Variants in SLC25A41 observed in about 807,000 individuals in gnomAD.
SLC25A41 encodes the protein mitochondrial carrier protein SCaMC-3L.
SLC25A41 carries 35 observed loss-of-function variants against 34.7 expected under a neutral mutation model. That is an observed-to-expected ratio of 1.01 (90% CI 0.77 to 1.34). The LOEUF (loss-of-function observed/expected upper bound fraction) is 1.34. Ranked by LOEUF, SLC25A41 falls within the 40% of genes most tolerant of loss-of-function variation. The pLI, the probability that SLC25A41 is intolerant of heterozygous loss-of-function variation, is 0.00. For missense variants in SLC25A41, 492 were observed against 489.8 expected (o/e 1.00, Z -0.04); for synonymous variants, 190 against 209.9 (o/e 0.91, Z 0.82).
At position 6,429,035 on chromosome 19, in the gene SLC25A41, ATATAATATATATATTATATATATGT is replaced by A. The variant is rs1427810334; in HGVS notation, c.624+664_624+688del. 2.6e-3 allele frequency among the ~76,000 whole-genome samples: 110 copies of A among 42,356 alleles called. 22 individuals carry two copies. Among genetic ancestry groups the A allele is most frequent in the African/African-American group, 0.021 (109 of 5,084 alleles). 27.8% of individuals were successfully genotyped at this position (42,356 alleles called of 152,430 possible). ...CTGGCCTGAAAATTTATATATATATATATAATATATATATTATATATATGTTATATATATATATAATATATATATT... is the reference window on the plus strand; with the variant it reads ...CTGGCCTGAAAATTTATATATATATATATATATATATATAATATATATATT... On this transcript the variant is annotated intron_variant, in intron 4 of 6. Coordinates refer to ENST00000321510, the MANE Select transcript of SLC25A41 (RefSeq NM_173637.4).
At chr19:6,429,175 A>AT (rs1491571543) in intron 4 of SLC25A41, among the ~76,000 whole-genome samples, 2 of 55,856 alleles carry the variant, frequency 3.6e-5, no homozygotes, top group African/African-American at 1.9e-4. Context: ...ATATATATAT[A>AT]ATATATATAT....
In SLC25A41 at chr19:6,427,364, G is replaced by C. The variant is rs768165761; in HGVS notation, c.762C>G (p.Pro254=). The C allele has an allele frequency of 1.9e-6, 3 of 1,610,902 alleles. No homozygotes were observed. In the African/African-American group the frequency reaches 4.0e-5, roughly 21 times the overall value. ...AGACAGCCAGGTCGGTGCAGGCATA[G>C]GGGATGATGCCGAGCATATTGGGCA... The part of the protein sequence containing the change: ...GYLPNMLGII[P]YACTDLAVYE... Residue 254 remains proline, a synonymous_variant, in exon 5 of 7, where the codon CCC becomes CCG. Transcript: ENST00000321510. This position sits in a 1 kb window ranked among gnomAD's most constrained non-coding sequence, Gnocchi z 4.9.
At position 6,427,257 on chromosome 19, in the gene SLC25A41, G is replaced by A. The variant is rs367786763; in HGVS notation, c.793-7C>T. The A allele has an allele frequency of 1.1e-4, 172 of 1,612,296 alleles. No individual in the cohort carries two copies. The highest frequency in any genetic ancestry group is 1.4e-4 in the Non-Finnish European group (165 of 1,179,586). ...CCCAGAAGCACTGGAGCATCTGCAA[G>A]AGAAGGGGGCCAGGAGAAAGCTCAC... On this transcript the variant is annotated splice_region_variant and splice_polypyrimidine_tract_variant and intron_variant, in intron 5 of 6. Coordinates refer to ENST00000321510, the MANE Select transcript of SLC25A41 (RefSeq NM_173637.4). This position sits in a 1 kb window ranked among gnomAD's most constrained non-coding sequence, Gnocchi z 4.9.
rs1568351624 is a variant in SLC25A41 at position 6,432,101 on chromosome 19, GC to G, written c.310del (p.Ala104ArgfsTer107). The G allele has an allele frequency of 3.7e-6, 6 of 1,613,718 alleles. 1 individual carries two copies. The highest frequency in any genetic ancestry group is 1.7e-5 in the Admixed American group (1 of 59,958). ...KFLLSGAMAG[A>X]VSRTGTAPLD... ...AGGTGCCGTGCCCGTGCGAGACACC[GC>G]CCCGGCCATAGCTCCTGAGAGTAGA... On this transcript the variant is annotated frameshift_variant, in exon 2 of 7. Transcript: ENST00000321510. LOFTEE classifies it high-confidence loss of function.
intron 1 of SLC25A41, among the ~76,000 whole-genome samples, chr19:6,432,633 C>T (rs1475440218): frequency 6.6e-6 from 1 of 151,056 alleles, no homozygotes; most frequent in African/African-American, 2.4e-5. Context: ...CTCTATCGCC[C>T]AAGCTGGAGT....
Position 6,433,528 on chromosome 19 carries a change from G to A in SLC25A41, c.166C>T (p.His56Tyr). Residue 56 changes from histidine to tyrosine, a missense_variant, in exon 1 of 7, where the codon CAC becomes TAC. Physicochemically the swap from His to Tyr is moderately conservative, Grantham distance 83 (BLOSUM62 2). Transcript: ENST00000321510. ...TGTTCAAGGTTGTTGTCATGCATGT[G>A]GCCAAACGCGTACCCATACACGTGT... is the stretch of plus-strand genomic sequence containing the variant. Reference protein sequence around the residue: ...CTHVYGYAFGHMHDNNLEHLP... With the variant: ...CTHVYGYAFGYMHDNNLEHLP... The A allele has an allele frequency of 6.2e-7, 1 of 1,613,396 alleles. No individual in the cohort carries two copies. The highest frequency in any genetic ancestry group is 8.5e-7 in the Non-Finnish European group (1 of 1,179,858).
chr19:6,427,557 C>T lies in SLC25A41; in HGVS notation c.625-56G>A, dbSNP rs535511129. ...TTGATTGAATCCTGTCAATGACCCT[C>T]GGGGTAGCCATTGTCCCCACCCTAC... On this transcript the variant is annotated intron_variant, in intron 4 of 6. Transcript: ENST00000321510. The surrounding 1 kb of genome is among the most constrained non-coding windows in gnomAD (Gnocchi z 4.9). 15 of 1,439,638 alleles carry T rather than the reference C, an allele frequency of 1.0e-5. No individual in the cohort carries two copies. The highest frequency in any genetic ancestry group is 4.5e-5 in the South Asian group (3 of 67,150). 89.2% of individuals were successfully genotyped at this position (1,439,638 alleles called of 1,614,324 possible).
In SLC25A41 at chr19:6,427,281, A is replaced by T; in HGVS notation, c.793-31T>A. ...AGAGAAGGGGGCCAGGAGAAAGCTC[A>T]CTAGGAGCCTGGGCTCCGGCCAGCC... On this transcript the variant is annotated intron_variant, in intron 5 of 6. Coordinates refer to ENST00000321510, the MANE Select transcript of SLC25A41 (RefSeq NM_173637.4). The surrounding 1 kb of genome is among the most constrained non-coding windows in gnomAD (Gnocchi z 4.9). 1 of 1,609,740 alleles carries T rather than the reference A, an allele frequency of 6.2e-7. No homozygotes were observed. The highest frequency in any genetic ancestry group is 8.5e-7 in the Non-Finnish European group (1 of 1,177,530).
At chr19:6,431,061 C>T (rs2092283691) in intron 2 of SLC25A41, among the ~76,000 whole-genome samples, 1 of 151,836 alleles carries the variant, frequency 6.6e-6, no homozygotes, top group Non-Finnish European at 1.5e-5. Flanking sequence ...AGCGATCTTC[C>T]CACTTTGGCC....
In SLC25A41 at chr19:6,429,717, C is replaced by G. The variant is rs372721113; in HGVS notation, c.624+7G>C. ...TTTCCTCACCTGCGGGGCACATGCT[C>G]TCTTACCTCCATGGGGTTGATGAGG... On this transcript the variant is annotated splice_region_variant and intron_variant, in intron 4 of 6. Coordinates refer to ENST00000321510, the MANE Select transcript of SLC25A41 (RefSeq NM_173637.4). 3.8e-6 allele frequency: 6 copies of G among 1,570,592 alleles called. No individual in the cohort carries two copies. The African/African-American group carries it at 6.9e-5, about 18-fold the overall frequency.
At chr19:6,428,337 C>T (rs758484018) in intron 4 of SLC25A41, among the ~76,000 whole-genome samples, 6 of 148,800 alleles carry the variant, frequency 4.0e-5, no homozygotes, top group African/African-American at 1.2e-4. Context: ...AGGTGGAGGT[C>T]GCAGTGAGCA....
intron 2 of SLC25A41, among the ~76,000 whole-genome samples, chr19:6,431,733 G>A (rs574855965): frequency 1.3e-5 from 2 of 152,182 alleles, no homozygotes; most frequent in African/African-American, 4.8e-5. Context: ...ATGAGCCACT[G>A]CACCTGGCCC....
chr19:6,432,159 C>T lies in SLC25A41; in HGVS notation c.253G>A (p.Glu85Lys), dbSNP rs759081109. 6.2e-7 allele frequency: 1 copy of T among 1,613,944 alleles called. No homozygotes were observed. ...EQLMVPVEVLEVDNKEALWKF... is the reference protein window; with the variant it reads ...EQLMVPVEVLKVDNKEALWKF... ...CACAAGGCCTCCTTGTTATCCACTT[C>T]CAGGACTTCCACGGGGACCATCAGC... The change falls in exon 2 of 7, where the codon GAA becomes AAA. Residue 85 changes from glutamate (E) to lysine (K), a missense_variant. Physicochemically the swap from Glu to Lys is moderately conservative, Grantham distance 56. Coordinates refer to ENST00000321510, the MANE Select transcript of SLC25A41 (RefSeq NM_173637.4).
chr19:6,427,007 A>T lies in SLC25A41; in HGVS notation c.940+96T>A. The T allele has an allele frequency of 1.5e-6, 2 of 1,365,162 alleles. No individual in the cohort carries two copies. The highest frequency in any genetic ancestry group is 2.7e-5 in the South Asian group (2 of 73,742). The allele number at this position is 1,365,162 out of a possible 1,614,324, so 84.6% of individuals were successfully genotyped here. On this transcript the variant is annotated intron_variant, in intron 6 of 6. Coordinates refer to ENST00000321510, the MANE Select transcript of SLC25A41 (RefSeq NM_173637.4). This position sits in a 1 kb window ranked among gnomAD's most constrained non-coding sequence, Gnocchi z 4.9. ...AAAAGTGGGCTGGGATCAGACACGG[A>T]GGGTGCCGGACTCAGTTTTGGGGTA...
rs998841078 is a variant in SLC25A41, at chr19:6,432,772, G to T, written c.208-568C>A. Reference sequence around the variant, plus strand: ...TGCAACCTCCGCCTCCTGGGTTCAAGTGATTCTCTTGCCTCAGCCTCCCCA... The same window carrying T: ...TGCAACCTCCGCCTCCTGGGTTCAATTGATTCTCTTGCCTCAGCCTCCCCA... On this transcript the variant is annotated intron_variant, in intron 1 of 6. Transcript: ENST00000321510. Among the ~76,000 whole-genome samples the T allele has an allele frequency of 2.6e-5, 4 of 151,578 alleles. No homozygotes were observed. In the East Asian group the frequency reaches 5.8e-4, roughly 22 times the overall value.
chr19:6,433,472 G>A lies in SLC25A41; in HGVS notation c.207+15C>T, dbSNP rs970670099. Reference sequence around the variant, plus strand: ...TGACCAGAGGTGCCGGGACACTGGTGTTTCCTAAACTCACCTGCTGTGACG... The same window carrying A: ...TGACCAGAGGTGCCGGGACACTGGTATTTCCTAAACTCACCTGCTGTGACG... On this transcript the variant is annotated intron_variant, in intron 1 of 6. Coordinates refer to ENST00000321510, the MANE Select transcript of SLC25A41 (RefSeq NM_173637.4). The A allele has an allele frequency of 6.2e-7, 1 of 1,611,462 alleles. No homozygotes were observed. Among genetic ancestry groups the A allele is most frequent in the Non-Finnish European group, 8.5e-7 (1 of 1,179,674 alleles).
Position 6,426,534 on chromosome 19 carries a change from A to G in SLC25A41, c.968T>C (p.Met323Thr). The G allele has an allele frequency of 6.2e-7, 1 of 1,613,216 alleles. No homozygotes were observed. The change falls in exon 7 of 7, where the codon ATG becomes ACG. Residue 323 changes from methionine (M) to threonine (T), a missense_variant. Physicochemically the swap from Met to Thr is moderately conservative, Grantham distance 81. Coordinates refer to ENST00000321510, the MANE Select transcript of SLC25A41 (RefSeq NM_173637.4). ...QDTVEGSNPT[M>T]RGVLQRILAQ... ...CAGGATCCGCTGGAGGACTCCGCGC[A>G]TGGTGGGATTTGAGCCCTCCACGGT...
At chr19:6,430,777 C>T (rs1264909448) in intron 2 of SLC25A41, among the ~76,000 whole-genome samples, 6 of 152,010 alleles carry the variant, frequency 3.9e-5, no homozygotes, top group South Asian at 2.1e-4. Flanking sequence ...CATCAGCCAC[C>T]GCGCCTGGCC....
At chr19:6,428,950 A>C (rs2092257103) in intron 4 of SLC25A41, among the ~76,000 whole-genome samples, 1 of 131,900 alleles carries the variant, frequency 7.6e-6, no homozygotes, top group South Asian at 2.3e-4. Flanking sequence ...GGGCTCAAGC[A>C]AGCAGTCCTC....
Sources: gnomAD v4.1 joint callset for allele counts (sites outside exome capture counted in the v4.1 genomes callset) on GRCh38, gnomAD v4.1.1 for gene constraint, Gnocchi (gnomAD v3.1) non-coding constraint, MANE v1.5 for transcripts, NCBI Gene and HGNC (gene_info 2026-07-23, HGNC 2026-07-21) for gene names.